Variants in SLC8B1 observed in about 807,000 individuals in gnomAD.
The protein encoded by SLC8B1 is mitochondrial sodium/calcium exchanger protein.
Under a neutral mutation model 63.4 loss-of-function variants are expected in SLC8B1, and 52 were observed. The observed-to-expected ratio is 0.82, with a 90% CI of 0.66 to 1.03. The LOEUF is 1.03. Among genes scored for constraint, SLC8B1 ranks in the 50% least tolerant of loss-of-function variants. The pLI, the probability that SLC8B1 is intolerant of heterozygous loss-of-function variation, is 0.00. For missense variants in SLC8B1, 657 were observed against 741.7 expected (o/e 0.89, Z 1.33); for synonymous variants, 336 against 323.9 (o/e 1.04, Z -0.40).
At chr12:113,316,750 A>G in intron 9 of SLC8B1, 94 bp from the exon 10 acceptor site, 1 of 1,557,544 alleles carries the variant, frequency 6.4e-7, no homozygotes, top group African/African-American at 1.4e-5. Context: ...TCCCAGCCCT[A>G]AAGGAGGAGA....
chr12:113,304,572 G>C (rs540941538), intron 14 of SLC8B1, among the ~76,000 whole-genome samples, 187 bp from the exon 15 acceptor site: 3 of 152,240 alleles, frequency 2.0e-5, no homozygotes, highest in East Asian at 3.9e-4. Context: ...GATCACTAGA[G>C]GCCAGGAGTT....
In SLC8B1 at chr12:113,334,855, G is replaced by T. The variant is rs1957108383; in HGVS notation, c.-495C>A. 6.6e-6 allele frequency: 1 copy of T among 152,264 alleles called. No individual in the cohort carries two copies. The highest frequency in any genetic ancestry group is 2.1e-4 in the South Asian group (1 of 4,836). The allele number at this position is 152,264 out of a possible 1,614,324, so 9.4% of individuals were successfully genotyped here. ...GCCGACCTGCTAAGGGACAGGGGCG[G>T]GAAATCGGGGCTGCGCTTCCCAGGA... On this transcript the variant is annotated 5_prime_UTR_variant, in exon 1 of 16. Coordinates refer to ENST00000680972, the MANE Select transcript of SLC8B1 (RefSeq NM_001358345.2).
rs373928602 is a variant in SLC8B1, at chr12:113,320,916, A to T, written c.363-9T>A. 18 of 1,603,700 alleles carry T rather than the reference A, an allele frequency of 1.1e-5. No homozygotes were observed. The African/African-American group carries it at 2.1e-4, about 19-fold the overall frequency. On this transcript the variant is annotated splice_polypyrimidine_tract_variant and intron_variant, in intron 4 of 15. Coordinates refer to ENST00000680972, the MANE Select transcript of SLC8B1 (RefSeq NM_001358345.2). This position sits in a 1 kb window ranked among gnomAD's most constrained non-coding sequence, Gnocchi z 5.3. ...ACAAGTTGGGGCAGAAACTACGGAG[A>T]AAAAGCGGACGGGAAGCATTTCCGT...
Position 113,315,417 on chromosome 12 carries a change from G to T in SLC8B1, c.1053C>A (p.Asp351Glu), listed in dbSNP as rs140132099. ...AGTTGAGGGGCCGTTTCCAGTTCTG[G>T]TCATCCTTGTCCGGGTCCACGACGG... ...TVPVVDPDKDDQNWKRPLNCL... is the reference protein window; with the variant it reads ...TVPVVDPDKDEQNWKRPLNCL... The change falls in exon 11 of 16, where the codon GAC becomes GAA. Residue 351 changes from aspartate (D) to glutamate (E), a missense_variant. Coordinates refer to ENST00000680972, the MANE Select transcript of SLC8B1 (RefSeq NM_001358345.2). 6.3e-7 allele frequency: 1 copy of T among 1,595,172 alleles called. No individual in the cohort carries two copies. Among genetic ancestry groups the T allele is most frequent in the Non-Finnish European group, 8.5e-7 (1 of 1,171,182 alleles).
intron 2 of SLC8B1, among the ~76,000 whole-genome samples, chr12:113,330,145 A>G (rs781181710): frequency 1.3e-5 from 2 of 152,090 alleles, no homozygotes; most frequent in African/African-American, 2.4e-5. Flanking sequence ...CCATGACCCC[A>G]CTAGAGTATA....
intron 10 of SLC8B1, 27 bp downstream of exon 10, chr12:113,316,499 G>A (rs1315528292): frequency 6.2e-7 from 1 of 1,609,528 alleles, no homozygotes; most frequent in Non-Finnish European, 8.5e-7. Context: ...TCAGAAGGCT[G>A]TGAGCCTGGC....
chr12:113,306,881 T>C, intron 13 of SLC8B1: 1 of 434,694 alleles, frequency 2.3e-6, no homozygotes, highest in Non-Finnish European at 4.1e-6. Context: ...GAGGCCAAGA[T>C]AGATGGATCA....
In SLC8B1 at chr12:113,310,244, C is replaced by A. The variant is rs1041568467; in HGVS notation, c.1247G>T (p.Arg416Met). ...ACCCGGGCTTCTTACCCAGTGAAGC[C>A]TGGGGGGCTGGCTGTCAGATGTGGC... Reference protein sequence around the residue: ...FFATSDSQPPRLHWLFAFLGF... With the variant: ...FFATSDSQPPMLHWLFAFLGF... Residue 416 changes from arginine to methionine, a missense_variant, in exon 12 of 16, where the codon AGG becomes ATG. By Grantham distance (91) the Arg-to-Met change is moderately conservative. Coordinates refer to ENST00000680972, the MANE Select transcript of SLC8B1 (RefSeq NM_001358345.2). The A allele has an allele frequency of 1.2e-6, 2 of 1,613,788 alleles. No individual in the cohort carries two copies. The highest frequency in any genetic ancestry group is 4.5e-5 in the East Asian group (2 of 44,846).
intron 2 of SLC8B1, among the ~76,000 whole-genome samples, chr12:113,322,270 G>A (rs759322257): frequency 6.6e-6 from 1 of 152,170 alleles, no homozygotes; most frequent in African/African-American, 2.4e-5. Flanking sequence ...TAAGGAGACT[G>A]AGACAATGTC....
At chr12:113,327,047 G>A (rs578091742) in intron 2 of SLC8B1, among the ~76,000 whole-genome samples, 3 of 152,258 alleles carry the variant, frequency 2.0e-5, no homozygotes, top group Non-Finnish European at 2.9e-5. Context: ...CATACTGGGA[G>A]GGGGAGGGTT....
At chr12:113,307,868 G>A in intron 12 of SLC8B1, 24 bp from the exon 13 acceptor site, 1 of 1,606,806 alleles carries the variant, frequency 6.2e-7, no homozygotes, top group Non-Finnish European at 8.5e-7. Flanking sequence ...GGTTTGCTGT[G>A]GGACCAAGGC....
At chr12:113,307,137 A>C (rs984300589) in intron 13 of SLC8B1, among the ~76,000 whole-genome samples, 7 of 146,986 alleles carry the variant, frequency 4.8e-5, no homozygotes, top group Admixed American at 1.4e-4. Flanking sequence ...AAAAAAAAAA[A>C]AAAAAAAAAA....
rs1331841334 is a variant in SLC8B1, at chr12:113,334,886, A to C, written c.-526T>G. ...CGGGGCTGCGCTTCCCAGGAAAGAG[A>C]CCTCAGGAACATCTCCGTGCTCCGT... On this transcript the variant is annotated 5_prime_UTR_variant, in exon 1 of 16. Transcript: ENST00000680972. The C allele has an allele frequency of 6.6e-6, 1 of 152,080 alleles. No individual in the cohort carries two copies. Among genetic ancestry groups the C allele is most frequent in the Non-Finnish European group, 1.5e-5 (1 of 68,006 alleles). The allele number at this position is 152,080 out of a possible 1,614,324, so 9.4% of individuals were successfully genotyped here. A position where few individuals can be genotyped will look rare whatever the true frequency, so the allele number is the denominator to read the frequency against.
At chr12:113,314,980 C>T (rs563774626) in intron 11 of SLC8B1, among the ~76,000 whole-genome samples, 3 of 152,180 alleles carry the variant, frequency 2.0e-5, no homozygotes, top group African/African-American at 2.4e-5. Context: ...ACCTCCCTCA[C>T]GTGGTTGAGA....
At chr12:113,316,461 G>C in intron 10 of SLC8B1, 65 bp downstream of exon 10, 3 of 1,579,134 alleles carry the variant, frequency 1.9e-6, no homozygotes, top group Non-Finnish European at 2.6e-6. Context: ...GAGCTGGAGA[G>C]GGTAGCGTGG....
intron 2 of SLC8B1, among the ~76,000 whole-genome samples, chr12:113,326,343 T>C (rs1304656028): frequency 2.6e-5 from 4 of 152,262 alleles, no homozygotes; most frequent in Non-Finnish European, 5.9e-5. Flanking sequence ...TATTCTATTC[T>C]TTCTTTCTTT....
chr12:113,313,205 C>T (rs780453517), intron 11 of SLC8B1, among the ~76,000 whole-genome samples: 11 of 151,772 alleles, frequency 7.2e-5, no homozygotes, highest in Non-Finnish European at 1.6e-4. Context: ...CATCGCTGGT[C>T]GGTGGTTTAC....
chr12:113,307,720 G>A lies in SLC8B1; in HGVS notation c.1382C>T (p.Thr461Met), dbSNP rs537349122. The A allele has an allele frequency of 5.6e-6, 9 of 1,613,986 alleles. No individual in the cohort carries two copies. Among genetic ancestry groups the A allele is most frequent in the African/African-American group, 4.0e-5 (3 of 75,044 alleles). The stretch of plus-strand genomic sequence containing the variant: ...AATGCTGTTCCCCCAGGCCAGCAGC[G>A]TGAGCCCCAGCACAGTGTTGCTCAG... ...FRLSNTVLGL[T>M]LLAWGNSIGD... Residue 461 changes from threonine (T) to methionine (M), a missense_variant, in exon 13 of 16, where the codon ACG becomes ATG. Thr to Met is a moderately conservative substitution (Grantham distance 81). Transcript: ENST00000680972.
rs752589199 is a variant in SLC8B1, at chr12:113,310,251, G to T, written c.1240C>A (p.Pro414Thr). The T allele has an allele frequency of 1.9e-6, 3 of 1,613,796 alleles. No homozygotes were observed. Among genetic ancestry groups the T allele is most frequent in the African/African-American group, 2.7e-5 (2 of 74,902 alleles). The change falls in exon 12 of 16, where the codon CCC (proline) becomes ACC (threonine). Residue 414 changes from proline (P) to threonine (T), a missense_variant. Coordinates refer to ENST00000680972, the MANE Select transcript of SLC8B1 (RefSeq NM_001358345.2). ...VTFFATSDSQ[P>T]PRLHWLFAFL... ...CTTCTTACCCAGTGAAGCCTGGGGG[G>T]CTGGCTGTCAGATGTGGCAAAAAAG...
Sources: allele counts gnomAD v4.1 joint callset (sites outside exome capture counted in the v4.1 genomes callset), GRCh38; gene constraint gnomAD v4.1.1; non-coding constraint Gnocchi (gnomAD v3.1); transcripts MANE v1.5; gene names NCBI Gene and HGNC (gene_info 2026-07-23, HGNC 2026-07-21).